DMD: variants seen among roughly 807,000 people sequenced by gnomAD.
DMD encodes dystrophin, also known as mutant dystrophin.
DMD carries 63 observed loss-of-function variants against 330.1 expected under a neutral mutation model. The ratio of observed to expected loss-of-function variants is 0.19; its 90% CI spans 0.16 to 0.24. The LOEUF (loss-of-function observed/expected upper bound fraction) is 0.24. DMD is among the 10% of genes least tolerant of loss of function. DMD has a pLI of 1.00. For missense variants in DMD, 3,344 were observed against 2,684.1 expected, an observed-to-expected ratio of 1.25 and a Z score of -5.43; for synonymous variants, 1,223 against 959.8, an observed-to-expected ratio of 1.27 and a Z score of -5.07.
chrX:31,879,219 C>G lies in DMD; in HGVS notation c.6913-3846G>C, dbSNP rs866362232. Among the ~76,000 whole-genome samples the G allele has an allele frequency of 3.3e-3, 281 of 84,389 alleles. 3 individuals are homozygous for G. Among genetic ancestry groups the G allele is most frequent in the African/African-American group, 0.011 (271 of 23,921 alleles). 73.3% of individuals were successfully genotyped at this position (84,389 alleles called of 115,157 possible). A position where few individuals can be genotyped will look rare whatever the true frequency, so the allele number is the denominator to read the frequency against. ...CACCATTCTACATGGCGGGGGGGGG[C>G]CTCACAATCATGGCAGAAGGCAAAG... On this transcript the variant is annotated intron_variant, in intron 47 of 78. Transcript: ENST00000357033.
chrX:32,966,952 TAAAGCC>T (rs2092181432), intron 2 of DMD, among the ~76,000 whole-genome samples: 1 of 112,044 alleles, frequency 8.9e-6, no homozygotes, highest in Non-Finnish European at 1.9e-5. Context: ...AATCCTGGTA[TAAAGCC>T]AACACTACCC....
intron 8 of DMD, 105 bp from the exon 9 acceptor site, chrX:32,698,103 A>C: frequency 2.3e-6 from 2 of 884,959 alleles, no homozygotes; most frequent in Non-Finnish European, 3.2e-6. Context: ...CATTAAATGG[A>C]AATGGTGAGA....
chrX:32,717,588 G>A (rs1465830429), intron 7 of DMD, among the ~76,000 whole-genome samples: 1 of 111,693 alleles, frequency 9.0e-6, no homozygotes, highest in Non-Finnish European at 1.9e-5. Flanking sequence ...GGTAATGTGG[G>A]GTTAGAGCTC....
At position 33,023,493 on chromosome X, in the gene DMD, T is replaced by C. The variant is rs1327114143; in HGVS notation, c.32-3293A>G. Among the ~76,000 whole-genome samples, 3 of 111,823 alleles carry C rather than the reference T, an allele frequency of 2.7e-5. No homozygotes were observed. In the East Asian group the frequency reaches 8.4e-4, roughly 31 times the overall value. ...AGGTATGTCATTCATAGGAGTTTCG[T>C]TGCTTTAGTCTTTTACGGTATTGCT... On this transcript the variant is annotated intron_variant, in intron 1 of 78. Coordinates refer to ENST00000357033, the MANE Select transcript of DMD (RefSeq NM_004006.3).
chrX:32,047,694 C>T (rs1332053795), intron 44 of DMD, among the ~76,000 whole-genome samples: 1 of 110,942 alleles, frequency 9.0e-6, no homozygotes, highest in Non-Finnish European at 1.9e-5. Flanking sequence ...GAAGTAGTTG[C>T]CAAGACTCTA....
chrX:31,439,386 G>A (rs2064767931), intron 60 of DMD, among the ~76,000 whole-genome samples: 1 of 111,859 alleles, frequency 8.9e-6, no homozygotes, highest in Admixed American at 9.5e-5. Flanking sequence ...AGGGATGAAA[G>A]AAGGAATGAA....
At chrX:33,049,261 T>C (rs772058045) in intron 1 of DMD, among the ~76,000 whole-genome samples, 5 of 112,043 alleles carry the variant, frequency 4.5e-5, no homozygotes, top group Non-Finnish European at 9.4e-5. Context: ...ATTTTCATCC[T>C]GGAATGTATT....
intron 1 of DMD, among the ~76,000 whole-genome samples, chrX:33,077,555 A>G: frequency 9.0e-6 from 1 of 111,697 alleles, no homozygotes; most frequent in East Asian, 2.8e-4. Flanking sequence ...CAAGGTGAGA[A>G]GAGTGGAACT....
At chrX:32,320,119 C>CT (rs1675153694) in intron 41 of DMD, among the ~76,000 whole-genome samples, 1 of 110,916 alleles carries the variant, frequency 9.0e-6, no homozygotes, top group South Asian at 3.8e-4. Context: ...TCCTATATCG[C>CT]TTTTAACTTC....
intron 60 of DMD, among the ~76,000 whole-genome samples, chrX:31,404,910 G>A (rs1014053415): frequency 1.3e-4 from 15 of 111,949 alleles, no homozygotes; most frequent in Admixed American, 1.3e-3. Flanking sequence ...CAGAGAGTGC[G>A]AACAGAACAT....
At chrX:33,076,887 TC>T (rs1245416215) in intron 1 of DMD, among the ~76,000 whole-genome samples, 2 of 111,114 alleles carry the variant, frequency 1.8e-5, no homozygotes, top group Non-Finnish European at 3.8e-5. Context: ...CAAATCAGTC[TC>T]CCCAAGCATT....
intron 7 of DMD, among the ~76,000 whole-genome samples, chrX:32,786,435 A>AGT (rs2075366699): frequency 9.0e-6 from 1 of 110,810 alleles, no homozygotes; most frequent in Admixed American, 9.7e-5. Flanking sequence ...ATAACTGGTG[A>AGT]GTGTCTCCCT....
At chrX:31,962,748 G>A (rs2095318041) in intron 45 of DMD, among the ~76,000 whole-genome samples, 1 of 111,792 alleles carries the variant, frequency 8.9e-6, no homozygotes, top group Non-Finnish European at 1.9e-5. Context: ...GATTCAGCCT[G>A]TGGGTACTCA....
chrX:32,452,423 G>A (rs1379106365), intron 26 of DMD, among the ~76,000 whole-genome samples: 1 of 24,503 alleles, frequency 4.1e-5, no homozygotes, highest in African/African-American at 1.8e-4. Flanking sequence ...AAGGGAAAGG[G>A]AAAGGGAAAG....
At chrX:32,221,573 A>G (rs2097132182) in intron 43 of DMD, among the ~76,000 whole-genome samples, 1 of 111,803 alleles carries the variant, frequency 8.9e-6, no homozygotes, top group South Asian at 3.8e-4. Flanking sequence ...TTCAAATTCA[A>G]TAGTCTTTGG....
intron 54 of DMD, among the ~76,000 whole-genome samples, chrX:31,639,678 C>T (rs1418655985): frequency 1.8e-5 from 2 of 111,494 alleles, no homozygotes; most frequent in Non-Finnish European, 3.8e-5. Flanking sequence ...CCAGTGTGAT[C>T]CTGCCTGAAT....
intron 57 of DMD, among the ~76,000 whole-genome samples, chrX:31,485,063 C>T (rs1257145508): frequency 8.9e-6 from 1 of 112,508 alleles, no homozygotes; most frequent in Non-Finnish European, 1.9e-5. Flanking sequence ...AACATAAAAT[C>T]TCCCTGACTT....
Position 32,210,633 on chromosome X carries a change from C to T in DMD, c.6438+6283G>A, listed in dbSNP as rs2097090015. 2.7e-5 allele frequency among the ~76,000 whole-genome samples: 3 copies of T among 111,747 alleles called. No individual in the cohort carries two copies. The Admixed American group carries it at 2.9e-4, about 11-fold the overall frequency. ...ATCTGTATTAATATAAATTCACTTA[C>T]CTCCTATAGAGTTCTTTGAGGCAGT... On this transcript the variant is annotated intron_variant, in intron 44 of 78. Coordinates refer to ENST00000357033, the MANE Select transcript of DMD (RefSeq NM_004006.3).
chrX:31,689,135 AAAG>A (rs2082917366), intron 52 of DMD, among the ~76,000 whole-genome samples: 1 of 111,780 alleles, frequency 8.9e-6, no homozygotes, highest in South Asian at 3.7e-4. Context: ...CAGGCAGGAA[AAAG>A]AAATAAAGGG....
Sources: gnomAD v4.1 joint callset for allele counts (sites outside exome capture counted in the v4.1 genomes callset) on GRCh38, gnomAD v4.1.1 for gene constraint, MANE v1.5 for transcripts, NCBI Gene and HGNC (gene_info 2026-07-23, HGNC 2026-07-21) for gene names.